RNF19B: variants seen among roughly 807,000 people sequenced by gnomAD.
The protein encoded by RNF19B is ring finger protein 19B.
A neutral mutation model predicts 65.5 loss-of-function variants in RNF19B; 23 were observed. That is an observed-to-expected ratio of 0.35 (90% CI 0.25 to 0.50). The LOEUF (loss-of-function observed/expected upper bound fraction) is 0.50. Ranked by LOEUF, RNF19B falls within the 20% of genes least tolerant of loss-of-function variation. The pLI is 0.98. For missense variants in RNF19B, 794 were observed against 980.0 expected, an observed-to-expected ratio of 0.81 and a Z score of 2.53; for synonymous variants, 372 against 379.6, an observed-to-expected ratio of 0.98 and a Z score of 0.23.
intron 5 of RNF19B, among the ~76,000 whole-genome samples, chr1:32,945,111 G>A (rs989994888): frequency 1.3e-5 from 2 of 152,112 alleles, no homozygotes; most frequent in African/African-American, 4.8e-5. Flanking sequence ...TTAAATGTTA[G>A]TTACACTATT....
intron 3 of RNF19B, among the ~76,000 whole-genome samples, 153 bp downstream of exon 3, chr1:32,948,069 G>A (rs1642409253): frequency 6.6e-6 from 1 of 152,126 alleles, no homozygotes; most frequent in South Asian, 2.1e-4. Flanking sequence ...AATAGTAGCT[G>A]GTGAAAACAT....
downstream of RNF19B, among the ~76,000 whole-genome samples, chr1:32,934,889 A>G (rs1557560496): frequency 6.6e-6 from 1 of 151,508 alleles, no homozygotes; most frequent in Non-Finnish European, 1.5e-5. Context: ...CTGGAGTGCA[A>G]AGGCGCGATC....
the RNF19B span, among the ~76,000 whole-genome samples, chr1:32,929,610 C>T: frequency 3.3e-5 from 5 of 152,124 alleles, no homozygotes; most frequent in South Asian, 2.1e-4. Flanking sequence ...TTGGGGAAAA[C>T]GAGAAGATTT....
chr1:32,938,154 A>AG (rs1642149982), intron 8 of RNF19B, among the ~76,000 whole-genome samples: 6 of 151,200 alleles, frequency 4.0e-5, no homozygotes, highest in South Asian at 4.2e-4. Flanking sequence ...AAAAAAAAAA[A>AG]AAAAAAGAAA....
intron 1 of RNF19B, among the ~76,000 whole-genome samples, chr1:32,950,622 C>T (rs1295346533): frequency 2.0e-5 from 3 of 151,792 alleles, no homozygotes; most frequent in East Asian, 1.9e-4. Flanking sequence ...CTGCAACCTC[C>T]GCATACCAGG....
At chr1:32,959,172 C>G (rs1396027125) in intron 1 of RNF19B, among the ~76,000 whole-genome samples, 1 of 152,150 alleles carries the variant, frequency 6.6e-6, no homozygotes, top group Non-Finnish European at 1.5e-5. Flanking sequence ...AGGCCAATAG[C>G]TGATACTGTT....
In RNF19B at chr1:32,949,610, T is replaced by C. The variant is rs1289029017; in HGVS notation, c.800A>G (p.Lys267Arg). The C allele has an allele frequency of 1.9e-6, 3 of 1,613,926 alleles. No homozygotes were observed. The highest frequency in any genetic ancestry group is 2.7e-5 in the African/African-American group (2 of 74,886). Reference sequence around the variant, plus strand: ...CCCATAACTGAGACCTGAAGTGTGTTTGGTCCGAACTCGTAAAGTCTGGGC... The same window carrying C: ...CCCATAACTGAGACCTGAAGTGTGTCTGGTCCGAACTCGTAAAGTCTGGGC... ...QRAQTLRVRT[K>R]HTSGLSYGQE... The change falls in exon 2 of 9, where the codon AAA becomes AGA. Residue 267 changes from lysine (K) to arginine (R), a missense_variant. Lys to Arg is a conservative substitution (Grantham distance 26). Transcript: ENST00000235150.
chr1:32,961,307 A>T (rs980692935), intron 1 of RNF19B, among the ~76,000 whole-genome samples: 1 of 152,178 alleles, frequency 6.6e-6, no homozygotes, highest in Non-Finnish European at 1.5e-5. Flanking sequence ...AATGAAATGC[A>T]CCCAAGCAGC....
rs1642126566 is a variant in RNF19B at position 32,937,171 on chromosome 1, G to A, written c.1831C>T (p.Leu611Phe). 6.2e-7 allele frequency: 1 copy of A among 1,614,124 alleles called. No homozygotes were observed. Among genetic ancestry groups the A allele is most frequent in the Non-Finnish European group, 8.5e-7 (1 of 1,180,024 alleles). ...TCTGCCATCTGAGCATGAACATGGA[G>A]CGAGTCCTCCGTGCTGCTTCCACTC... ...LVSGSSTEDSLHVHAQMAENE... is the reference protein window; with the variant it reads ...LVSGSSTEDSFHVHAQMAENE... Residue 611 changes from leucine to phenylalanine, a missense_variant, in exon 9 of 9, where the codon CTC becomes TTC. Leu to Phe is a conservative substitution (Grantham distance 22). This residue lies in a region of RNF19B where 368 missense variants were observed against 447.3 expected (regional missense o/e 0.82). Transcript: ENST00000235150.
At chr1:32,941,206 CA>C (rs1422195195) in intron 7 of RNF19B, among the ~76,000 whole-genome samples, 1 of 150,940 alleles carries the variant, frequency 6.6e-6, no homozygotes, top group Non-Finnish European at 1.5e-5. Flanking sequence ...CTGGATGACA[CA>C]GTGAGAAAAA....
intron 7 of RNF19B, among the ~76,000 whole-genome samples, chr1:32,941,866 G>A (rs1334314655): frequency 1.3e-5 from 2 of 151,932 alleles, no homozygotes; most frequent in African/African-American, 2.4e-5. Context: ...GGGAGGCCAA[G>A]GCGGGCGGAT....
At chr1:32,951,234 A>T (rs568590566) in intron 1 of RNF19B, among the ~76,000 whole-genome samples, 73 of 152,252 alleles carry the variant, frequency 4.8e-4, no homozygotes, top group African/African-American at 1.7e-3. Flanking sequence ...TGTATTTTTT[A>T]AAAAATCCAG....
At chr1:32,949,498 A>AT (rs1642439435) in intron 2 of RNF19B, 71 bp downstream of exon 2, 1 of 1,355,572 alleles carries the variant, frequency 7.4e-7, no homozygotes, top group Non-Finnish European at 1.0e-6. Flanking sequence ...CAATAAGATA[A>AT]TTTCTTTCAG....
At chr1:32,944,190 G>T in intron 5 of RNF19B, 31 bp from the exon 6 acceptor site, 5 of 1,588,150 alleles carry the variant, frequency 3.1e-6, no homozygotes, top group Non-Finnish European at 4.3e-6. Flanking sequence ...ATGTCAGCTG[G>T]CTATTAGGTT....
chr1:32,938,140 C>CAAAAAAAAAAAAAAA (rs80176999), intron 8 of RNF19B, among the ~76,000 whole-genome samples: 37 of 46,008 alleles, frequency 8.0e-4, no homozygotes, highest in East Asian at 2.0e-3. Context: ...CCAAGAAAGA[C>CAAAAAAAAAAAAAAA]AAAAAAAAAA....
At chr1:32,937,847 G>A (rs912925542) in intron 8 of RNF19B, among the ~76,000 whole-genome samples, 1 of 152,014 alleles carries the variant, frequency 6.6e-6, no homozygotes, top group African/African-American at 2.4e-5. Context: ...TACAGAAAGA[G>A]CTTCCAAAAT....
chr1:32,937,384 C>G, intron 8 of RNF19B, 125 bp from the exon 9 acceptor site: 1 of 1,422,540 alleles, frequency 7.0e-7, no homozygotes, highest in Non-Finnish European at 9.7e-7. Context: ...CTAGAGCTCA[C>G]TTTTAACAAA....
intron 1 of RNF19B, among the ~76,000 whole-genome samples, chr1:32,959,751 T>C (rs1379652848): frequency 6.6e-6 from 1 of 151,914 alleles, no homozygotes; most frequent in African/African-American, 2.4e-5. Context: ...TAAATAATAA[T>C]GTGAGGCCGG....
chr1:32,935,025 T>A (rs572230078), downstream of RNF19B, among the ~76,000 whole-genome samples: 2 of 149,116 alleles, frequency 1.3e-5, no homozygotes, highest in South Asian at 4.3e-4. Flanking sequence ...AGAGACGGGG[T>A]TTCACCATGT....
Sources: gnomAD v4.1 joint callset for allele counts (sites outside exome capture counted in the v4.1 genomes callset) on GRCh38, gnomAD v4.1.1 for gene constraint, gnomAD v4.1.1 regional missense constraint, MANE v1.5 for transcripts, NCBI Gene and HGNC (gene_info 2026-07-23, HGNC 2026-07-21) for gene names.